The following ELAVL2 variants were observed in gnomAD, a reference collection of about 807,000 sequenced individuals.
ELAVL2 encodes the protein ELAV like RNA binding protein 2, also known as ELAV-like protein 2.
In ELAVL2, 4 loss-of-function variants were observed where a neutral mutation model predicts 34.6. The ratio of observed to expected loss-of-function variants is 0.12; its 90% CI spans 0.06 to 0.26. The LOEUF (loss-of-function observed/expected upper bound fraction) is 0.26. Ranked by LOEUF, ELAVL2 falls within the 10% of genes least tolerant of loss-of-function variation. ELAVL2 has a pLI of 1.00. For synonymous variants in ELAVL2, 193 were observed against 154.8 expected (o/e 1.25, Z -1.83); for missense variants, 432 against 442.8 (o/e 0.98, Z 0.22).
At chr9:23,825,601 C>G (rs2065251572) in intron 1 of ELAVL2, among the ~76,000 whole-genome samples, 1 of 152,202 alleles carries the variant, frequency 6.6e-6, no homozygotes. Context: ...CTGCCATGGA[C>G]ATTTACGAAT....
chr9:23,791,652 T>C (rs550413011), intron 1 of ELAVL2, among the ~76,000 whole-genome samples: 77 of 152,276 alleles, frequency 5.1e-4, no homozygotes, highest in Middle Eastern at 6.8e-3. Context: ...GGTGTCCATA[T>C]AAGAAAAGGA....
At chr9:23,762,341 C>A in intron 1 of ELAVL2, 92 bp from the exon 2 acceptor site, 2 of 1,493,946 alleles carry the variant, frequency 1.3e-6, no homozygotes, top group Non-Finnish European at 9.0e-7. Context: ...TCACTAAACA[C>A]AAGTCGTTCT....
chr9:23,835,078 C>T, the ELAVL2 span, among the ~76,000 whole-genome samples: 1 of 151,968 alleles, frequency 6.6e-6, no homozygotes, highest in East Asian at 1.9e-4. Context: ...TCCCGGATGT[C>T]AGTCTTTCTG....
intron 1 of ELAVL2, among the ~76,000 whole-genome samples, chr9:23,817,474 A>T (rs182052462): frequency 2.6e-5 from 4 of 152,312 alleles, no homozygotes; most frequent in Admixed American, 6.5e-5. Flanking sequence ...CAGTTCACGC[A>T]TTGAGAGCCT....
At chr9:23,713,517 A>T in intron 3 of ELAVL2, among the ~76,000 whole-genome samples, 1 of 152,186 alleles carries the variant, frequency 6.6e-6, no homozygotes, top group East Asian at 1.9e-4. Flanking sequence ...TAGTATAAAA[A>T]ATAGATGGGA....
chr9:23,843,645 T>C, the ELAVL2 span, among the ~76,000 whole-genome samples: 1 of 152,210 alleles, frequency 6.6e-6, no homozygotes. Context: ...TATCATTTCC[T>C]CTCAAACAAT....
Position 23,690,492 on chromosome 9 carries a change from G to A in ELAVL2, c.*2065C>T, listed in dbSNP as rs766090208. The A allele has an allele frequency of 2.6e-5, 4 of 152,324 alleles. No homozygotes were observed. The highest frequency in any genetic ancestry group is 5.9e-5 in the Non-Finnish European group (4 of 67,946). 9.4% of individuals were successfully genotyped at this position (152,324 alleles called of 1,614,324 possible). On this transcript the variant is annotated 3_prime_UTR_variant, in exon 7 of 7. Transcript: ENST00000397312. ...GAAGGTTAACTCTGGCAATCTAAAT[G>A]CACCTAAGGATATGAGAAAGTGCTA...
intron 1 of ELAVL2, chr9:23,821,815 A>T (rs1260835563): frequency 6.6e-6 from 1 of 151,366 alleles, no homozygotes; most frequent in African/African-American, 2.4e-5. Context: ...CTACTGCCTC[A>T]GTGACGCCCA....
chr9:23,785,752 C>T (rs925588741), intron 1 of ELAVL2, among the ~76,000 whole-genome samples: 3 of 152,160 alleles, frequency 2.0e-5, no homozygotes, highest in African/African-American at 7.2e-5. Flanking sequence ...AAGCATATGA[C>T]CAGCTCCAGT....
chr9:23,776,071 G>A (rs912558759), intron 1 of ELAVL2, among the ~76,000 whole-genome samples: 1 of 152,266 alleles, frequency 6.6e-6, no homozygotes, highest in East Asian at 1.9e-4. Flanking sequence ...GTGGTTTTAT[G>A]TTCCCTGCCA....
At chr9:23,742,620 C>CG (rs1000565797) in intron 2 of ELAVL2, among the ~76,000 whole-genome samples, 19 of 152,024 alleles carry the variant, frequency 1.2e-4, no homozygotes, top group African/African-American at 4.6e-4. Flanking sequence ...ACCCTTCCAC[C>CG]GGGGGGAAAA....
intron 1 of ELAVL2, chr9:23,783,622 C>A (rs1177394533): frequency 5.8e-6 from 3 of 513,504 alleles, no homozygotes; most frequent in Non-Finnish European, 5.0e-6. Context: ...CATCTGCATT[C>A]ATTCTAACAT....
At chr9:23,780,681 C>A (rs571051859) in intron 1 of ELAVL2, among the ~76,000 whole-genome samples, 3 of 152,190 alleles carry the variant, frequency 2.0e-5, no homozygotes, top group African/African-American at 4.8e-5. Context: ...TAACACACAG[C>A]AGCACCCAAA....
chr9:23,733,050 C>T (rs2046972164), intron 2 of ELAVL2, among the ~76,000 whole-genome samples: 1 of 151,216 alleles, frequency 6.6e-6, no homozygotes, highest in African/African-American at 2.4e-5. Flanking sequence ...CAAAATAAAT[C>T]AATTGTATCA....
chr9:23,722,492 C>T lies in ELAVL2; in HGVS notation c.333+8530G>A, dbSNP rs2043994529. On this transcript the variant is annotated intron_variant, in intron 3 of 6. Transcript: ENST00000397312. ...CTGCAAGAGGGCAGAGTTCTTCACT[C>T]CTAGGCAAAGACAGCTCCACTCTCT... 2.0e-5 allele frequency among the ~76,000 whole-genome samples: 3 copies of T among 152,182 alleles called. No homozygotes were observed. In the South Asian group the frequency reaches 6.2e-4, roughly 32 times the overall value.
intron 3 of ELAVL2, among the ~76,000 whole-genome samples, chr9:23,723,710 A>C (rs1486067066): frequency 6.6e-6 from 1 of 152,142 alleles, no homozygotes; most frequent in East Asian, 1.9e-4. Context: ...CATGATGCAC[A>C]TGGTTTGCTT....
intron 2 of ELAVL2, among the ~76,000 whole-genome samples, chr9:23,749,131 A>C (rs1226087240): frequency 6.6e-6 from 1 of 152,020 alleles, no homozygotes; most frequent in Non-Finnish European, 1.5e-5. Flanking sequence ...TCAAATGATA[A>C]ATTTTATGTT....
chr9:23,832,343 C>G, the ELAVL2 span: 1 of 151,248 alleles, frequency 6.6e-6, no homozygotes, highest in African/African-American at 2.4e-5. Flanking sequence ...ATACAGGAAA[C>G]AAAAAAAAAT....
intron 1 of ELAVL2, among the ~76,000 whole-genome samples, chr9:23,795,683 T>C (rs1350551126): frequency 6.6e-6 from 1 of 152,152 alleles, no homozygotes; most frequent in Non-Finnish European, 1.5e-5. Flanking sequence ...AGAGAAGAAA[T>C]TTTAAGTTGC....
Sources: allele counts gnomAD v4.1 joint callset (sites outside exome capture counted in the v4.1 genomes callset), GRCh38; gene constraint gnomAD v4.1.1; transcripts MANE v1.5; gene names NCBI Gene and HGNC (gene_info 2026-07-23, HGNC 2026-07-21).